Variants in AOPEP observed in about 807,000 individuals in gnomAD.
AOPEP encodes aminopeptidase O (putative).
In AOPEP, 77 loss-of-function variants were observed where a neutral mutation model predicts 98.1. The ratio of observed to expected loss-of-function variants is 0.78; its 90% CI spans 0.65 to 0.95. The LOEUF (loss-of-function observed/expected upper bound fraction) is 0.95. Ranked by LOEUF, AOPEP falls within the 40% of genes least tolerant of loss-of-function variation. The pLI, the probability that AOPEP is intolerant of heterozygous loss-of-function variation, is 0.00. For synonymous variants in AOPEP, 346 were observed against 365.3 expected, an observed-to-expected ratio of 0.95 and a Z score of 0.60; for missense variants, 1,024 against 1,024.7, an observed-to-expected ratio of 1.00 and a Z score of 0.01.
At chr9:94,805,501 T>A (rs542942439) in intron 5 of AOPEP, among the ~76,000 whole-genome samples, 2 of 152,046 alleles carry the variant, frequency 1.3e-5, no homozygotes, top group East Asian at 1.9e-4. Flanking sequence ...GTTTTTTTTT[T>A]TAAAAAAAGC....
At chr9:95,086,391 C>T (rs1443267973) in intron 16 of AOPEP, 3 of 985,440 alleles carry the variant, frequency 3.0e-6, no homozygotes, top group East Asian at 1.1e-4. Flanking sequence ...TGAGCTGAGA[C>T]TTTCTGAGAA....
chr9:94,867,413 G>A (rs2045830384), intron 5 of AOPEP, among the ~76,000 whole-genome samples: 1 of 152,186 alleles, frequency 6.6e-6, no homozygotes, highest in Non-Finnish European at 1.5e-5. Flanking sequence ...TTTGCTTTCA[G>A]AGGTCACTTC....
chr9:94,932,950 G>A (rs574180457), intron 7 of AOPEP: 8 of 985,420 alleles, frequency 8.1e-6, no homozygotes, highest in South Asian at 9.4e-5. Flanking sequence ...GAGGCAAGAC[G>A]ATTTGCTCAG....
chr9:94,826,338 G>T (rs1353099166), intron 5 of AOPEP, among the ~76,000 whole-genome samples: 2 of 152,196 alleles, frequency 1.3e-5, no homozygotes, highest in African/African-American at 2.4e-5. Flanking sequence ...CTTCCCCGCA[G>T]CCCTGTCCCT....
intron 2 of AOPEP, among the ~76,000 whole-genome samples, chr9:94,766,937 C>T (rs1839768444): frequency 6.6e-6 from 1 of 152,076 alleles, no homozygotes; most frequent in Non-Finnish European, 1.5e-5. Flanking sequence ...AAGATGTAGA[C>T]TTTGGGAGTA....
Position 94,808,072 on chromosome 9 carries a change from T to G in AOPEP, c.1364+7070T>G, listed in dbSNP as rs1377433042. ...TTTTTTTTTTTTTTGAGACGGAGTCTCACTCTGTTGCCCAGGCTGGAGTGC... is the reference window on the plus strand; with the variant it reads ...TTTTTTTTTTTTTTGAGACGGAGTCGCACTCTGTTGCCCAGGCTGGAGTGC... On this transcript the variant is annotated intron_variant, in intron 5 of 16. Coordinates refer to ENST00000375315, the MANE Select transcript of AOPEP (RefSeq NM_001193329.3). 6.0e-5 allele frequency among the ~76,000 whole-genome samples: 9 copies of G among 151,034 alleles called. No homozygotes were observed. The East Asian group carries it at 1.8e-3, about 29-fold the overall frequency.
the AOPEP span, among the ~76,000 whole-genome samples, chr9:95,137,811 G>A: frequency 6.6e-6 from 1 of 152,244 alleles, no homozygotes; most frequent in Non-Finnish European, 1.5e-5. Context: ...CACAGAAGCA[G>A]AGGACGCGTC....
At chr9:94,885,349 A>G (rs1477324669) in intron 5 of AOPEP, among the ~76,000 whole-genome samples, 2 of 18,982 alleles carry the variant, frequency 1.1e-4, no homozygotes, top group African/African-American at 8.0e-4. Flanking sequence ...ATCCTGTCTC[A>G]AAAAAAAAAA....
intron 3 of AOPEP, among the ~76,000 whole-genome samples, chr9:94,774,728 C>T (rs549166625): frequency 1.3e-4 from 20 of 152,166 alleles, no homozygotes; most frequent in African/African-American, 4.8e-4. Context: ...ATTAGAATTA[C>T]TGAGTCAAAA....
At chr9:95,149,829 T>C in the AOPEP span, 3 of 1,404,212 alleles carry the variant, frequency 2.1e-6, no homozygotes, top group Middle Eastern at 2.4e-4. Flanking sequence ...ACAAAAACGT[T>C]TGGACACTGC....
At chr9:94,805,229 A>G (rs2133845627) in intron 5 of AOPEP, among the ~76,000 whole-genome samples, 1 of 152,060 alleles carries the variant, frequency 6.6e-6, no homozygotes, top group East Asian at 1.9e-4. Context: ...GGCTAATGAG[A>G]ACCTGATTGG....
chr9:95,076,303 A>G (rs1169150701), intron 14 of AOPEP, among the ~76,000 whole-genome samples: 3 of 152,216 alleles, frequency 2.0e-5, no homozygotes, highest in African/African-American at 4.8e-5. Context: ...CTCAAAGTGA[A>G]GATGTACACA....
At chr9:95,064,211 C>T (rs1054776862) in intron 14 of AOPEP, among the ~76,000 whole-genome samples, 1 of 152,260 alleles carries the variant, frequency 6.6e-6, no homozygotes, top group African/African-American at 2.4e-5. Flanking sequence ...AAACGACCAG[C>T]GTCACAGGCC....
intron 3 of AOPEP, among the ~76,000 whole-genome samples, chr9:94,780,045 G>T (rs1011641960): frequency 6.6e-5 from 10 of 152,146 alleles, no homozygotes. Flanking sequence ...TGATTTTAGG[G>T]GTCAGAAAAC....
intron 10 of AOPEP, among the ~76,000 whole-genome samples, chr9:94,969,686 C>T (rs1349574617): frequency 2.0e-5 from 3 of 152,208 alleles, no homozygotes; most frequent in South Asian, 2.1e-4. Flanking sequence ...GGATTACAGG[C>T]GTGGGCCACT....
At chr9:94,761,889 T>C (rs745733993) in intron 2 of AOPEP, among the ~76,000 whole-genome samples, 2 of 152,192 alleles carry the variant, frequency 1.3e-5, no homozygotes, top group African/African-American at 2.4e-5. Context: ...TTTGAGATTA[T>C]TAAAGATGGG....
chr9:94,895,862 T>A (rs1027121176), intron 5 of AOPEP, among the ~76,000 whole-genome samples: 1 of 152,218 alleles, frequency 6.6e-6, no homozygotes, highest in East Asian at 1.9e-4. Context: ...CTGTGCTTTT[T>A]AAATAAAGTT....
chr9:94,809,319 A>G (rs1849953318), intron 5 of AOPEP, among the ~76,000 whole-genome samples: 2 of 152,234 alleles, frequency 1.3e-5, no homozygotes, highest in African/African-American at 4.8e-5. Context: ...ATATCCTGGT[A>G]TATCTGTGCA....
intron 1 of AOPEP, 134 bp from the exon 2 acceptor site, chr9:94,759,515 C>A: frequency 2.7e-6 from 1 of 375,732 alleles, no homozygotes; most frequent in Non-Finnish European, 4.8e-6. Context: ...AAAGATAAGT[C>A]AGCCTTCTAG....
Sources: gnomAD v4.1 joint callset for allele counts (sites outside exome capture counted in the v4.1 genomes callset) on GRCh38, gnomAD v4.1.1 for gene constraint, MANE v1.5 for transcripts, NCBI Gene and HGNC (gene_info 2026-07-23, HGNC 2026-07-21) for gene names.